The following FGFR1OP2 variants were observed in gnomAD, a reference collection of about 807,000 sequenced individuals.
The protein encoded by FGFR1OP2 is FGFR1 oncogene partner 2, also known as fibroblast growth factor receptor 1 oncogene partner 2.
A neutral mutation model predicts 35.2 loss-of-function variants in FGFR1OP2; 17 were observed. The ratio of observed to expected loss-of-function variants is 0.48; its 90% CI spans 0.33 to 0.73. FGFR1OP2 has a LOEUF of 0.73. FGFR1OP2 is among the 30% of genes least tolerant of loss of function. FGFR1OP2 has a pLI of 0.02. For missense variants in FGFR1OP2, 251 were observed against 307.3 expected, an observed-to-expected ratio of 0.82 and a Z score of 1.37; for synonymous variants, 105 against 104.6, an observed-to-expected ratio of 1.00 and a Z score of -0.03.
At chr12:26,942,357 T>A (rs1938749743) in intron 1 of FGFR1OP2, among the ~76,000 whole-genome samples, 1 of 152,242 alleles carries the variant, frequency 6.6e-6, no homozygotes, top group East Asian at 1.9e-4. Context: ...GTCTATTTTC[T>A]CATTGGTAAA....
chr12:26,955,786 G>A (rs1449180447), intron 2 of FGFR1OP2, among the ~76,000 whole-genome samples: 1 of 152,136 alleles, frequency 6.6e-6, no homozygotes, highest in Non-Finnish European at 1.5e-5. Context: ...GAATATTTGT[G>A]TACAAGTTTC....
chr12:26,964,457 C>G, intron 6 of FGFR1OP2, 139 bp from the exon 7 acceptor site: 1 of 818,224 alleles, frequency 1.2e-6, no homozygotes, highest in Non-Finnish European at 1.9e-6. Flanking sequence ...CTGCATATAT[C>G]ATTGAGTAGA....
At chr12:26,944,568 T>C (rs774131213) in intron 1 of FGFR1OP2, among the ~76,000 whole-genome samples, 68 of 152,332 alleles carry the variant, frequency 4.5e-4, no homozygotes, top group Middle Eastern at 3.4e-3. Flanking sequence ...TAAACTCCCA[T>C]TGGTCAGGGT....
intron 1 of FGFR1OP2, among the ~76,000 whole-genome samples, chr12:26,946,456 G>A (rs928068678): frequency 7.2e-5 from 11 of 152,160 alleles, no homozygotes; most frequent in Non-Finnish European, 1.6e-4. Flanking sequence ...GACTGCAGGT[G>A]TGTACCACCA....
chr12:26,953,333 GAAACTT>G (rs1224600938), intron 1 of FGFR1OP2, among the ~76,000 whole-genome samples: 2 of 149,010 alleles, frequency 1.3e-5, no homozygotes, highest in Admixed American at 6.7e-5. Context: ...AGTTTCAGGA[GAAACTT>G]AAAGTTTTGG....
intron 1 of FGFR1OP2, among the ~76,000 whole-genome samples, chr12:26,942,478 G>C (rs1938751998): frequency 6.6e-6 from 1 of 152,210 alleles, no homozygotes; most frequent in African/African-American, 2.4e-5. Flanking sequence ...TTACGTAACA[G>C]TTTGATTTTC....
At chr12:26,949,351 C>T (rs757375355) in intron 1 of FGFR1OP2, among the ~76,000 whole-genome samples, 27 of 152,044 alleles carry the variant, frequency 1.8e-4, no homozygotes, top group Non-Finnish European at 3.7e-4. Context: ...AGGCTGGTCG[C>T]GAACTCCTGA....
chr12:26,939,303 T>C (rs1241083355), intron 1 of FGFR1OP2, among the ~76,000 whole-genome samples: 4 of 151,638 alleles, frequency 2.6e-5, no homozygotes, highest in Non-Finnish European at 5.9e-5. Flanking sequence ...GTTTCCCTAC[T>C]ATAATCCTTC....
intron 1 of FGFR1OP2, among the ~76,000 whole-genome samples, chr12:26,940,178 T>C (rs531974985): frequency 6.6e-6 from 1 of 152,344 alleles, no homozygotes; most frequent in South Asian, 2.1e-4. Context: ...AGCCTGTAGG[T>C]TAGAAATAAC....
chr12:26,950,505 C>T (rs1032998064), intron 1 of FGFR1OP2, among the ~76,000 whole-genome samples: 12 of 151,936 alleles, frequency 7.9e-5, no homozygotes, highest in East Asian at 1.9e-4. Context: ...GGATTACAGG[C>T]GTGAGCCACC....
chr12:26,953,268 C>CAAA (rs10714749), intron 1 of FGFR1OP2, among the ~76,000 whole-genome samples: 15 of 78,250 alleles, frequency 1.9e-4, no homozygotes, highest in Admixed American at 3.2e-4. Flanking sequence ...ACTGTGTCTC[C>CAAA]AAAAAAAAAA....
Position 26,965,584 on chromosome 12 carries a change from T to C in FGFR1OP2, c.*851T>C, listed in dbSNP as rs1939163915. On this transcript the variant is annotated 3_prime_UTR_variant, in exon 7 of 7. Coordinates refer to ENST00000229395, the MANE Select transcript of FGFR1OP2 (RefSeq NM_015633.3). ...AATGTTTGATATGGCAAGATAGGTA[T>C]GGTAATTTCAAAGTGAATTGGGAAT... The C allele has an allele frequency of 6.6e-6, 1 of 152,260 alleles. No individual in the cohort carries two copies. The highest frequency in any genetic ancestry group is 6.6e-5 in the Admixed American group (1 of 15,240). The allele number at this position is 152,260 out of a possible 1,614,324, so 9.4% of individuals were successfully genotyped here. A position where few individuals can be genotyped will look rare whatever the true frequency, so the allele number is the denominator to read the frequency against.
intron 1 of FGFR1OP2, among the ~76,000 whole-genome samples, chr12:26,940,140 A>G (rs966261881): frequency 6.6e-6 from 1 of 152,232 alleles, no homozygotes; most frequent in Non-Finnish European, 1.5e-5. Context: ...GAGTATGTGC[A>G]TTCAGGCAAC....
intron 2 of FGFR1OP2, among the ~76,000 whole-genome samples, chr12:26,956,224 A>G (rs1301094134): frequency 1.3e-5 from 2 of 152,004 alleles, no homozygotes; most frequent in African/African-American, 4.8e-5. Context: ...CTTTTTCATT[A>G]CAGTCATCCT....
chr12:26,946,988 T>C (rs1433574116), intron 1 of FGFR1OP2, among the ~76,000 whole-genome samples: 2 of 152,240 alleles, frequency 1.3e-5, no homozygotes, highest in East Asian at 1.9e-4. Context: ...ATCCATGTTG[T>C]AGCCTGTTTC....
chr12:26,946,752 A>G (rs887501767), intron 1 of FGFR1OP2, among the ~76,000 whole-genome samples: 4 of 152,246 alleles, frequency 2.6e-5, no homozygotes, highest in African/African-American at 9.6e-5. Flanking sequence ...TTGTGTAACC[A>G]TCAACAAAAT....
rs1232012024 is a variant in FGFR1OP2, at chr12:26,964,710, G to A, written c.739G>A (p.Asp247Asn). The A allele has an allele frequency of 1.2e-6, 2 of 1,611,310 alleles. No individual in the cohort carries two copies. The highest frequency in any genetic ancestry group is 2.2e-5 in the South Asian group (2 of 90,968). Residue 247 changes from aspartate to asparagine, a missense_variant, in exon 7 of 7, where the codon GAT (aspartate) becomes AAT (asparagine). Coordinates refer to ENST00000229395, the MANE Select transcript of FGFR1OP2 (RefSeq NM_015633.3). ...TSLSALVTNSDLSLRKS is the reference protein window; with the variant it reads ...TSLSALVTNSNLSLRKS ...TTTGTCAGCATTAGTGACCAACAGTGATTTGAGTCTGAGGAAGAGCTGAAG... is the reference window on the plus strand; with the variant it reads ...TTTGTCAGCATTAGTGACCAACAGTAATTTGAGTCTGAGGAAGAGCTGAAG...
At chr12:26,964,503 C>T in intron 6 of FGFR1OP2, 93 bp from the exon 7 acceptor site, 1 of 1,403,452 alleles carries the variant, frequency 7.1e-7, no homozygotes, top group Non-Finnish European at 9.7e-7. Context: ...GTTTGTTATA[C>T]CTTCATATGT....
chr12:26,943,698 G>A (rs545916941), intron 1 of FGFR1OP2, among the ~76,000 whole-genome samples: 2 of 152,182 alleles, frequency 1.3e-5, no homozygotes, highest in African/African-American at 2.4e-5. Flanking sequence ...GGTGGCGCAC[G>A]CTTGTAATCT....
Sources: allele counts gnomAD v4.1 joint callset (sites outside exome capture counted in the v4.1 genomes callset), GRCh38; gene constraint gnomAD v4.1.1; transcripts MANE v1.5; gene names NCBI Gene and HGNC (gene_info 2026-07-23, HGNC 2026-07-21).